Variants in RBFOX1 observed in about 807,000 individuals in gnomAD.
RBFOX1 encodes the protein RNA binding fox-1 homolog 1.
RBFOX1 carries 8 observed loss-of-function variants against 57.7 expected under a neutral mutation model. The ratio of observed to expected loss-of-function variants is 0.14; its 90% CI spans 0.08 to 0.25. The LOEUF (loss-of-function observed/expected upper bound fraction) is 0.25, where lower values mean the gene tolerates loss of function less well. RBFOX1 is among the 10% of genes least tolerant of loss of function. The probability of loss-of-function intolerance (pLI) is 1.00; values close to 1 mark genes in which losing one functional copy is unlikely to be tolerated. For synonymous variants in RBFOX1, 326 were observed against 222.4 expected (o/e 1.47, Z -4.15); for missense variants, 611 against 548.5 (o/e 1.11, Z -1.14).
chr16:6,025,523 A>T (rs2095173725), intron 1 of RBFOX1, among the ~76,000 whole-genome samples: 1 of 152,200 alleles, frequency 6.6e-6, no homozygotes, highest in Non-Finnish European at 1.5e-5. Flanking sequence ...CTGCATGAGC[A>T]GCCGCACCCT....
chr16:7,549,407 G>A (rs971513855), intron 5 of RBFOX1, among the ~76,000 whole-genome samples: 1 of 152,224 alleles, frequency 6.6e-6, no homozygotes, highest in Non-Finnish European at 1.5e-5. Context: ...TTTGAAGCAT[G>A]AAGAGTACCT....
chr16:7,091,933 G>T (rs565844703), intron 4 of RBFOX1, among the ~76,000 whole-genome samples: 3 of 152,202 alleles, frequency 2.0e-5, no homozygotes, highest in African/African-American at 7.2e-5. Flanking sequence ...GGTCTTTCAG[G>T]ACAGAAACAA....
chr16:5,719,342 C>T (rs2051841666), intron 3 of RBFOX1, among the ~76,000 whole-genome samples: 1 of 151,262 alleles, frequency 6.6e-6, no homozygotes, highest in Admixed American at 6.6e-5. Flanking sequence ...ACTGGGACTA[C>T]AGGCACCTGC....
At chr16:6,011,322 C>CT (rs2094959950) in intron 4 of RBFOX1, among the ~76,000 whole-genome samples, 1 of 151,858 alleles carries the variant, frequency 6.6e-6, no homozygotes, top group African/African-American at 2.4e-5. Context: ...TTAAAACAGC[C>CT]TTTGTTTTTA....
intron 1 of RBFOX1, among the ~76,000 whole-genome samples, chr16:6,202,035 GC>G (rs2097218726): frequency 6.6e-6 from 1 of 152,020 alleles, no homozygotes; most frequent in African/African-American, 2.4e-5. Context: ...ATGCAAACCA[GC>G]CCCTTCATCA....
At chr16:7,295,098 C>T (rs1014246362) in intron 4 of RBFOX1, among the ~76,000 whole-genome samples, 1 of 152,096 alleles carries the variant, frequency 6.6e-6, no homozygotes, top group African/African-American at 2.4e-5. Context: ...AGGACTTGAC[C>T]TGATGTTGTG....
intron 3 of RBFOX1, among the ~76,000 whole-genome samples, chr16:6,985,355 C>T (rs76227750): frequency 0.035 from 5,307 of 152,194 alleles, 333 homozygotes; most frequent in African/African-American, 0.12. Context: ...CACATACATA[C>T]ACAAAAGATA....
intron 1 of RBFOX1, among the ~76,000 whole-genome samples, chr16:6,104,449 C>T (rs944870753): frequency 1.3e-5 from 2 of 152,084 alleles, no homozygotes; most frequent in African/African-American, 4.8e-5. Flanking sequence ...ATTTATATAA[C>T]ATAAAATCCA....
chr16:7,101,134 C>T (rs761477006), intron 4 of RBFOX1, among the ~76,000 whole-genome samples: 1 of 152,134 alleles, frequency 6.6e-6, no homozygotes, highest in Middle Eastern at 3.2e-3. Context: ...TAAACGATGC[C>T]TGCCGTTGGT....
chr16:7,270,166 A>C (rs1047219574), intron 4 of RBFOX1, among the ~76,000 whole-genome samples: 1 of 152,234 alleles, frequency 6.6e-6, no homozygotes, highest in African/African-American at 2.4e-5. Flanking sequence ...GGGAACCTTG[A>C]GTCTGAGCCT....
intron 2 of RBFOX1, among the ~76,000 whole-genome samples, chr16:6,646,541 A>T (rs2098536490): frequency 6.6e-6 from 1 of 152,122 alleles, no homozygotes; most frequent in Non-Finnish European, 1.5e-5. Flanking sequence ...TAGTTCGTTG[A>T]TTAACACCTG....
chr16:6,548,879 C>A (rs941479750), intron 2 of RBFOX1, among the ~76,000 whole-genome samples: 1 of 151,648 alleles, frequency 6.6e-6, no homozygotes, highest in Non-Finnish European at 1.5e-5. Flanking sequence ...AGTTGGAGAC[C>A]AGCCTGGCCA....
chr16:5,539,056 A>G (rs1253496817), intron 2 of RBFOX1, among the ~76,000 whole-genome samples: 7 of 152,088 alleles, frequency 4.6e-5, no homozygotes, highest in African/African-American at 1.7e-4. Context: ...TTGATTTTTG[A>G]AATGCTTCTG....
At chr16:7,530,078 A>G (rs1465085053) in intron 5 of RBFOX1, among the ~76,000 whole-genome samples, 4 of 152,154 alleles carry the variant, frequency 2.6e-5, no homozygotes, top group East Asian at 1.9e-4. Context: ...GGTTCATAAA[A>G]GAGACAGCTT....
chr16:6,823,953 G>T (rs921072402), intron 3 of RBFOX1, among the ~76,000 whole-genome samples: 1 of 152,190 alleles, frequency 6.6e-6, no homozygotes, highest in African/African-American at 2.4e-5. Flanking sequence ...CCTGGAAGAG[G>T]TGGCATCTGG....
At chr16:5,952,135 A>G (rs1410288324) in intron 4 of RBFOX1, among the ~76,000 whole-genome samples, 2 of 150,554 alleles carry the variant, frequency 1.3e-5, no homozygotes, top group South Asian at 2.1e-4. Flanking sequence ...ACATATATAT[A>G]TAGGTTTTGT....
chr16:6,984,642 T>C (rs917593327), intron 3 of RBFOX1, among the ~76,000 whole-genome samples: 3 of 152,078 alleles, frequency 2.0e-5, no homozygotes, highest in Admixed American at 6.6e-5. Context: ...CTTCTTTACT[T>C]AATATTTTTA....
At chr16:5,285,691 A>T (rs1295244076) in intron 1 of RBFOX1, among the ~76,000 whole-genome samples, 1 of 152,196 alleles carries the variant, frequency 6.6e-6, no homozygotes, top group Non-Finnish European at 1.5e-5. Context: ...GTACAGTGAT[A>T]TAGTCTGCAT....
chr16:7,246,759 G>A (rs1325406605), intron 4 of RBFOX1, among the ~76,000 whole-genome samples: 1 of 150,408 alleles, frequency 6.6e-6, no homozygotes, highest in East Asian at 2.0e-4. Context: ...CAAGGACAGC[G>A]CCTACGTAGC....
Sources: allele counts gnomAD v4.1 joint callset (sites outside exome capture counted in the v4.1 genomes callset), GRCh38; gene constraint gnomAD v4.1.1; transcripts MANE v1.5; gene names NCBI Gene and HGNC (gene_info 2026-07-23, HGNC 2026-07-21).